The following PCDH15 variants were observed in gnomAD, a reference collection of about 807,000 sequenced individuals.
PCDH15 encodes the protein protocadherin related 15.
Under a neutral mutation model 178.5 loss-of-function variants are expected in PCDH15, and 129 were observed. That is an observed-to-expected ratio of 0.72 (90% CI 0.63 to 0.84). The LOEUF is 0.84. Ranked by LOEUF, PCDH15 falls within the 40% of genes least tolerant of loss-of-function variation. The pLI is 0.00. For synonymous variants in PCDH15, 800 were observed against 732.0 expected (o/e 1.09, Z -1.50); for missense variants, 2,230 against 2,099.9 (o/e 1.06, Z -1.21).
chr10:54,039,530 G>A (rs1435715718), intron 18 of PCDH15, among the ~76,000 whole-genome samples: 1 of 151,906 alleles, frequency 6.6e-6, no homozygotes, highest in African/African-American at 2.4e-5. Context: ...AGTCTGACAT[G>A]ATATCTAACA....
At chr10:54,875,463 GT>G (rs1197595849) in intron 3 of PCDH15, among the ~76,000 whole-genome samples, 1 of 152,074 alleles carries the variant, frequency 6.6e-6, no homozygotes, top group Non-Finnish European at 1.5e-5. Context: ...ACTAAGCTTA[GT>G]GAAGAATACA....
intron 2 of PCDH15, among the ~76,000 whole-genome samples, chr10:54,531,219 A>T (rs554847389): frequency 6.6e-6 from 1 of 152,040 alleles, no homozygotes; most frequent in African/African-American, 2.4e-5. Flanking sequence ...TTAAATCACA[A>T]ATTCATTGTT....
At chr10:55,450,955 CTATA>C (rs56986885) in intron 2 of PCDH15, among the ~76,000 whole-genome samples, 1,409 of 122,312 alleles carry the variant, frequency 0.012, 19 homozygotes, top group Non-Finnish European at 0.012. Context: ...GGGGTAAGAA[CTATA>C]TATATATATA....
At chr10:55,059,048 C>G (rs1842334746) in intron 2 of PCDH15, among the ~76,000 whole-genome samples, 1 of 152,172 alleles carries the variant, frequency 6.6e-6, no homozygotes, top group African/African-American at 2.4e-5. Flanking sequence ...CGTTCTAGAG[C>G]TGGAGCTAAT....
chr10:54,075,828 A>T (rs1483855742), intron 17 of PCDH15, among the ~76,000 whole-genome samples: 1 of 152,282 alleles, frequency 6.6e-6, no homozygotes, highest in Non-Finnish European at 1.5e-5. Flanking sequence ...TTATGCTAGT[A>T]CTACTCTGTT....
intron 2 of PCDH15, among the ~76,000 whole-genome samples, chr10:55,377,719 C>T (rs1837434123): frequency 6.6e-6 from 1 of 152,016 alleles, no homozygotes; most frequent in African/African-American, 2.4e-5. Context: ...CTTTTCATTT[C>T]ACGTATACTT....
At chr10:55,385,867 G>A (rs755429912) in intron 2 of PCDH15, among the ~76,000 whole-genome samples, 24 of 149,202 alleles carry the variant, frequency 1.6e-4, no homozygotes, top group South Asian at 6.4e-4. Context: ...ACATATATGC[G>A]CACATGTATC....
At chr10:54,168,765 G>A (rs1218669173) in intron 13 of PCDH15, among the ~76,000 whole-genome samples, 7 of 152,104 alleles carry the variant, frequency 4.6e-5, no homozygotes, top group Non-Finnish European at 5.9e-5. Flanking sequence ...TCAAAAGGCC[G>A]TCTTATTCTC....
chr10:55,072,021 C>G (rs1405234732), intron 2 of PCDH15, among the ~76,000 whole-genome samples: 4 of 151,992 alleles, frequency 2.6e-5, no homozygotes, highest in Non-Finnish European at 5.9e-5. Context: ...GAAATGAAGG[C>G]AGAAATAAAG....
chr10:54,147,016 T>TGTATATATAAC (rs1564531151), intron 14 of PCDH15, among the ~76,000 whole-genome samples: 3 of 79,236 alleles, frequency 3.8e-5, no homozygotes, highest in African/African-American at 1.2e-4. Context: ...GTATATATAA[T>TGTATATATAAC]GTGTATATAT....
At chr10:54,886,006 C>T (rs1954352243) in intron 3 of PCDH15, among the ~76,000 whole-genome samples, 1 of 152,136 alleles carries the variant, frequency 6.6e-6, no homozygotes, top group Admixed American at 6.6e-5. Flanking sequence ...TACACAATCT[C>T]TCTCACTGTT....
intron 3 of PCDH15, among the ~76,000 whole-genome samples, chr10:54,455,483 G>A (rs377159089): frequency 6.6e-6 from 1 of 152,272 alleles, no homozygotes. Flanking sequence ...TTTGTTAGGA[G>A]TTGGAGTATA....
chr10:54,752,517 CAAACAAACAAACAAAAAA>C (rs1946462451), intron 1 of PCDH15, among the ~76,000 whole-genome samples: 2 of 85,632 alleles, frequency 2.3e-5, no homozygotes, highest in Non-Finnish European at 4.9e-5. Context: ...AAAAAACAAA[CAAACAAACAAACAAAAAA>C]AAACAATAAA....
At chr10:54,942,304 C>T (rs1296088860) in intron 2 of PCDH15, among the ~76,000 whole-genome samples, 1 of 151,946 alleles carries the variant, frequency 6.6e-6, no homozygotes, top group Non-Finnish European at 1.5e-5. Flanking sequence ...GGTTGTGGTG[C>T]CAATGCCACA....
intron 2 of PCDH15, among the ~76,000 whole-genome samples, chr10:55,332,354 A>G (rs538215574): frequency 6.6e-6 from 1 of 152,288 alleles, no homozygotes; most frequent in South Asian, 2.1e-4. Flanking sequence ...ATAAAACTAT[A>G]GTACTTGATT....
intron 2 of PCDH15, among the ~76,000 whole-genome samples, chr10:55,334,487 A>G (rs535267561): frequency 6.7e-6 from 1 of 150,318 alleles, no homozygotes; most frequent in African/African-American, 2.4e-5. Flanking sequence ...TTGTATTTTT[A>G]GTAAAGACAT....
At chr10:55,620,254 C>A (rs748588721) in intron 2 of PCDH15, among the ~76,000 whole-genome samples, 10 of 151,940 alleles carry the variant, frequency 6.6e-5, no homozygotes, top group Non-Finnish European at 1.5e-4. Flanking sequence ...TGACATATTT[C>A]ACAAAGTGAA....
intron 2 of PCDH15, among the ~76,000 whole-genome samples, chr10:55,471,203 TA>T (rs1033413709): frequency 6.6e-6 from 1 of 152,166 alleles, no homozygotes; most frequent in African/African-American, 2.4e-5. Context: ...CTTTTTCCCC[TA>T]AAGTTTCTTG....
In PCDH15 at chr10:54,099,351, T is replaced by A. The variant is rs1380272795; in HGVS notation, c.1918-9288A>T. Among the ~76,000 whole-genome samples, 4 of 151,320 alleles carry A rather than the reference T, an allele frequency of 2.6e-5. No individual in the cohort carries two copies. In the East Asian group the frequency reaches 7.8e-4, roughly 30 times the overall value. Reference sequence around the variant, plus strand: ...CCATCTCTACTAAAAATACAAAAAATTAGCTAGGCATGGTGGTGGGCGCCT... The same window carrying A: ...CCATCTCTACTAAAAATACAAAAAAATAGCTAGGCATGGTGGTGGGCGCCT... On this transcript the variant is annotated intron_variant, in intron 15 of 37. Transcript: ENST00000644397.
Sources: allele counts gnomAD v4.1 joint callset (sites outside exome capture counted in the v4.1 genomes callset), GRCh38; gene constraint gnomAD v4.1.1; transcripts MANE v1.5; gene names NCBI Gene and HGNC (gene_info 2026-07-23, HGNC 2026-07-21).